Variants in CA5B observed in about 807,000 individuals in gnomAD.
CA5B encodes carbonic anhydrase 5B.
CA5B carries 15 observed loss-of-function variants against 23.1 expected under a neutral mutation model. That is an observed-to-expected ratio of 0.65 (90% CI 0.43 to 1.00). The LOEUF is 1.00. Among genes scored for constraint, CA5B ranks in the 50% least tolerant of loss-of-function variants. The pLI, the probability that CA5B is intolerant of heterozygous loss-of-function variation, is 0.00. For synonymous variants in CA5B, 84 were observed against 98.5 expected, an observed-to-expected ratio of 0.85 and a Z score of 0.87; for missense variants, 236 against 252.2, an observed-to-expected ratio of 0.94 and a Z score of 0.43.
chrX:15,762,856 T>A (rs1170959670), intron 2 of CA5B: 3 of 368,667 alleles, frequency 8.1e-6, no homozygotes, highest in Non-Finnish European at 1.6e-5. Flanking sequence ...CAAACTGATG[T>A]ACATTGGTTC....
At chrX:15,778,703 A>G (rs1931971743) in intron 7 of CA5B, among the ~76,000 whole-genome samples, 1 of 111,695 alleles carries the variant, frequency 9.0e-6, no homozygotes, top group Non-Finnish European at 1.9e-5. Context: ...ACTTAAAATC[A>G]TGGCAGAAGG....
chrX:15,741,611 G>C (rs953043592), intron 1 of CA5B, among the ~76,000 whole-genome samples: 27 of 109,509 alleles, frequency 2.5e-4, no homozygotes, highest in African/African-American at 9.0e-4. Context: ...CCCGAGTACA[G>C]GCGCCCGCCA....
rs1158075227 is a variant in CA5B, at chrX:15,788,396, G to A, written c.*5732G>A. 9.0e-6 allele frequency: 1 copy of A among 111,643 alleles called. No individual in the cohort carries two copies. Among genetic ancestry groups the A allele is most frequent in the African/African-American group, 3.3e-5 (1 of 30,674 alleles). The allele number at this position is 111,643 out of a possible 1,213,427, so 9.2% of individuals were successfully genotyped here. On this transcript the variant is annotated 3_prime_UTR_variant, in exon 8 of 8. Transcript: ENST00000318636. The stretch of plus-strand genomic sequence containing the variant: ...TCTTACTCAGTTTTCACAATAAAAG[G>A]GTTATGAGATGGGAACTATTATTAC...
intron 6 of CA5B, chrX:15,775,884 C>G: frequency 1.3e-6 from 1 of 750,286 alleles, no homozygotes; most frequent in Non-Finnish European, 1.6e-6. Flanking sequence ...TATATTATCT[C>G]CCCCCATCCC....
chrX:15,739,298 A>G (rs1931072130), intron 1 of CA5B, among the ~76,000 whole-genome samples: 1 of 111,931 alleles, frequency 8.9e-6, no homozygotes, highest in African/African-American at 3.3e-5. Context: ...TTGCTAGAGT[A>G]TGGAGACAAG....
intron 2 of CA5B, among the ~76,000 whole-genome samples, chrX:15,760,880 T>TC (rs763532048): frequency 1.1e-3 from 122 of 111,628 alleles, no homozygotes; most frequent in African/African-American, 3.7e-3. Context: ...TTTGAGCTTT[T>TC]CCCCCCCAAC....
rs201070875 is a variant in CA5B, at chrX:15,752,987, GC to G, written c.142+2829del. On this transcript the variant is annotated intron_variant, in intron 2 of 7. Coordinates refer to ENST00000318636, the MANE Select transcript of CA5B (RefSeq NM_007220.4). ...GTTTAAATTTACCTATAGCGTAGAA[GC>G]CCCCCCAACCCCCACCCCAGCTTTG... 4.2e-4 allele frequency among the ~76,000 whole-genome samples: 46 copies of G among 110,805 alleles called. 2 individuals carry two copies. Among genetic ancestry groups the G allele is most frequent in the South Asian group, 3.8e-4 (1 of 2,630 alleles).
At chrX:15,758,510 A>AT (rs1032626928) in intron 2 of CA5B, among the ~76,000 whole-genome samples, 8 of 110,053 alleles carry the variant, frequency 7.3e-5, no homozygotes, top group Middle Eastern at 4.6e-3. Context: ...TTTTATTTTT[A>AT]TTTTTTTATT....
At chrX:15,762,286 T>C (rs1251086149) in intron 2 of CA5B, among the ~76,000 whole-genome samples, 2 of 109,237 alleles carry the variant, frequency 1.8e-5, no homozygotes, top group Non-Finnish European at 3.8e-5. Flanking sequence ...AAAAAAGGTA[T>C]TGACTTCCGG....
intron 7 of CA5B, among the ~76,000 whole-genome samples, chrX:15,780,357 C>T (rs1931999898): frequency 9.2e-6 from 1 of 109,029 alleles, no homozygotes; most frequent in African/African-American, 3.3e-5. Flanking sequence ...ACTGCAACCT[C>T]TGCCTTGCAC....
At chrX:15,760,203 T>C (rs1931575731) in intron 2 of CA5B, among the ~76,000 whole-genome samples, 1 of 111,726 alleles carries the variant, frequency 9.0e-6, no homozygotes, top group Non-Finnish European at 1.9e-5. Flanking sequence ...AGGTAAAATA[T>C]GAGCAACAAC....
At chrX:15,752,463 C>T (rs939627239) in intron 2 of CA5B, among the ~76,000 whole-genome samples, 9 of 112,263 alleles carry the variant, frequency 8.0e-5, no homozygotes, top group East Asian at 2.8e-4. Context: ...CGATGGCTTA[C>T]GCCTGTAATC....
intron 7 of CA5B, 55 bp downstream of exon 7, chrX:15,776,924 C>A (rs1160344830): frequency 1.1e-5 from 11 of 1,041,280 alleles, no homozygotes; most frequent in Non-Finnish European, 1.3e-5. Flanking sequence ...CCATGTAAAA[C>A]AAGGCTGGGC....
At chrX:15,748,222 T>G (rs1238691460) in intron 1 of CA5B, among the ~76,000 whole-genome samples, 1 of 112,188 alleles carries the variant, frequency 8.9e-6, no homozygotes, top group Non-Finnish European at 1.9e-5. Flanking sequence ...CCTAGTCCTA[T>G]GTAGTATTTT....
chrX:15,746,022 C>CTTTT (rs11304971), intron 1 of CA5B, among the ~76,000 whole-genome samples: 275 of 53,372 alleles, frequency 5.2e-3, no homozygotes, highest in Non-Finnish European at 6.9e-3. Flanking sequence ...GCGTCAACTT[C>CTTTT]TTTTTTTTTT....
At chrX:15,772,180 G>A (rs760133594) in intron 3 of CA5B, among the ~76,000 whole-genome samples, 2 of 112,272 alleles carry the variant, frequency 1.8e-5, no homozygotes, top group Admixed American at 9.5e-5. Flanking sequence ...TTGGATAAAT[G>A]TGCTGAGAGA....
Position 15,782,588 on chromosome X carries a change from G to T in CA5B, c.878G>T (p.Arg293Leu), listed in dbSNP as rs199945005. The change falls in exon 8 of 8, where the codon CGT (arginine) becomes CTT (leucine). Residue 293 changes from arginine to leucine, a missense_variant. By Grantham distance (102) the Arg-to-Leu change is moderately radical. Coordinates refer to ENST00000318636, the MANE Select transcript of CA5B (RefSeq NM_007220.4). ...CAGCCACTGATGAATCGCACTGTTC[G>T]TTCATCCTTCCGGCATGATTATGTG... ...PLQPLMNRTV[R>L]SSFRHDYVLN... 11 of 1,206,756 alleles carry T rather than the reference G, an allele frequency of 9.1e-6. No homozygotes were observed. In the East Asian group the frequency reaches 3.3e-4, roughly 36 times the overall value.
intron 1 of CA5B, among the ~76,000 whole-genome samples, chrX:15,740,385 A>G (rs900061605): frequency 1.8e-5 from 2 of 112,384 alleles, no homozygotes; most frequent in African/African-American, 6.5e-5. Flanking sequence ...TAAATAACCA[A>G]CTCTTAAAAA....
chrX:15,765,306 A>G, intron 3 of CA5B: 1 of 393,366 alleles, frequency 2.5e-6, no homozygotes, highest in Non-Finnish European at 3.2e-6. Context: ...AGTGTTACCT[A>G]CCTAGTTTAA....
Sources: gnomAD v4.1 joint callset for allele counts (sites outside exome capture counted in the v4.1 genomes callset) on GRCh38, gnomAD v4.1.1 for gene constraint, MANE v1.5 for transcripts, NCBI Gene and HGNC (gene_info 2026-07-23, HGNC 2026-07-21) for gene names.